PBX1: variants seen among roughly 807,000 people sequenced by gnomAD.
The protein encoded by PBX1 is PBX homeobox 1.
PBX1 carries 6 observed loss-of-function variants against 53.4 expected under a neutral mutation model. The observed-to-expected ratio is 0.11, with a 90% CI of 0.06 to 0.22. PBX1 has a LOEUF of 0.22. Ranked by LOEUF, PBX1 falls within the 10% of genes least tolerant of loss-of-function variation. PBX1 has a pLI of 1.00. For missense variants in PBX1, 251 were observed against 551.4 expected (o/e 0.46, Z 5.46); for synonymous variants, 204 against 212.3 (o/e 0.96, Z 0.34).
At chr1:164,802,893 G>A (rs894882010) in intron 4 of PBX1, among the ~76,000 whole-genome samples, 6 of 151,888 alleles carry the variant, frequency 4.0e-5, no homozygotes, top group Non-Finnish European at 8.8e-5. Context: ...AGTTAAAAGA[G>A]GGAGAGAACT....
chr1:164,658,802 C>G (rs545463204), intron 2 of PBX1, among the ~76,000 whole-genome samples: 20 of 152,222 alleles, frequency 1.3e-4, no homozygotes, highest in Non-Finnish European at 2.9e-4. Context: ...GTTATTACCA[C>G]TTTACATATG....
chr1:164,749,224 TA>T (rs1296552026), intron 2 of PBX1, among the ~76,000 whole-genome samples: 1 of 152,240 alleles, frequency 6.6e-6, no homozygotes, highest in Non-Finnish European at 1.5e-5. Context: ...TATTTGCATA[TA>T]TAATATATTA....
intron 8 of PBX1, among the ~76,000 whole-genome samples, chr1:164,835,239 GTT>G (rs71670294): frequency 8.2e-4 from 112 of 136,116 alleles, no homozygotes; most frequent in African/African-American, 2.4e-3. Flanking sequence ...TTTGATTTTG[GTT>G]TTTTTTTTTT....
intron 2 of PBX1, among the ~76,000 whole-genome samples, chr1:164,714,178 C>T (rs569051797): frequency 1.3e-5 from 2 of 152,292 alleles, no homozygotes; most frequent in South Asian, 4.1e-4. Context: ...GGTTAATGCT[C>T]TAGATTCCCT....
chr1:164,857,532 A>C, intron 2 of PBX1, among the ~76,000 whole-genome samples: 1 of 152,174 alleles, frequency 6.6e-6, no homozygotes, highest in Admixed American at 6.5e-5. Flanking sequence ...ATAGCCTCTT[A>C]CCCAGGAATT....
chr1:164,797,157 G>C (rs560445289), intron 3 of PBX1, among the ~76,000 whole-genome samples: 18 of 152,276 alleles, frequency 1.2e-4, no homozygotes, highest in African/African-American at 4.1e-4. Flanking sequence ...AAAGGGCCCC[G>C]GGATAGAGTG....
chr1:164,800,591 T>G (rs564705187), intron 4 of PBX1, among the ~76,000 whole-genome samples: 1 of 152,358 alleles, frequency 6.6e-6, no homozygotes, highest in East Asian at 1.9e-4. Context: ...TTTCATCTAC[T>G]CTCTAGACCG....
At chr1:164,812,937 A>G (rs950438138) in intron 6 of PBX1, 10 of 152,246 alleles carry the variant, frequency 6.6e-5, no homozygotes, top group African/African-American at 2.4e-4. Flanking sequence ...TCCCTTTGGT[A>G]AAGGAAAGAC....
chr1:164,735,488 A>G (rs553876370), intron 2 of PBX1, among the ~76,000 whole-genome samples: 1 of 152,328 alleles, frequency 6.6e-6, no homozygotes, highest in South Asian at 2.1e-4. Context: ...AAGAGGGAGA[A>G]GGAAAGAGAA....
chr1:164,849,281 G>A lies in PBX1; in HGVS notation c.*2605G>A. On this transcript the variant is annotated 3_prime_UTR_variant, in exon 9 of 9. Coordinates refer to ENST00000420696, the MANE Select transcript of PBX1 (RefSeq NM_002585.4). ...TCTCCGGGCCGTAGTTTTCACTGAT[G>A]ATCACCTTTCACAGCATTTTCCCCA... The A allele has an allele frequency of 1.3e-6, 2 of 1,533,140 alleles. No individual in the cohort carries two copies. Among genetic ancestry groups the A allele is most frequent in the African/African-American group, 2.7e-5 (2 of 73,108 alleles). 95.0% of individuals were successfully genotyped at this position (1,533,140 alleles called of 1,614,324 possible).
intron 2 of PBX1, among the ~76,000 whole-genome samples, chr1:164,584,288 G>A (rs1385271845): frequency 6.6e-6 from 1 of 151,932 alleles, no homozygotes; most frequent in Admixed American, 6.6e-5. Flanking sequence ...GATCACTTGA[G>A]CACAGGAGTT....
chr1:164,833,600 C>G (rs553889616), intron 8 of PBX1, among the ~76,000 whole-genome samples: 1 of 152,174 alleles, frequency 6.6e-6, no homozygotes, highest in South Asian at 2.1e-4. Context: ...AATTTCGTTT[C>G]TGACACTTAT....
intron 2 of PBX1, among the ~76,000 whole-genome samples, chr1:164,629,056 C>T (rs1435283560): frequency 6.6e-6 from 1 of 152,098 alleles, no homozygotes; most frequent in African/African-American, 2.4e-5. Flanking sequence ...CTCAAACACT[C>T]AGCTGGGGCC....
Position 164,847,591 on chromosome 1 carries a change from C to G in PBX1, c.*915C>G. 2.8e-6 allele frequency: 3 copies of G among 1,062,948 alleles called. No individual in the cohort carries two copies. The highest frequency in any genetic ancestry group is 3.4e-6 in the Non-Finnish European group (3 of 877,824). 65.8% of individuals were successfully genotyped at this position (1,062,948 alleles called of 1,614,324 possible). On this transcript the variant is annotated 3_prime_UTR_variant, in exon 9 of 9. Coordinates refer to ENST00000420696, the MANE Select transcript of PBX1 (RefSeq NM_002585.4). The stretch of plus-strand genomic sequence containing the variant: ...GGAATAGAAAGTTCTTATCGTGAAA[C>G]CCTTCAACCTCAACTATGCCTTCAT...
chr1:164,858,287 GTGCCT>G (rs1672019663), intron 2 of PBX1, among the ~76,000 whole-genome samples: 1 of 152,084 alleles, frequency 6.6e-6, no homozygotes, highest in South Asian at 2.1e-4. Flanking sequence ...GTCCAAGTAT[GTGCCT>G]TGTAAATGTC....
intron 8 of PBX1, among the ~76,000 whole-genome samples, chr1:164,840,242 A>G (rs138771616): frequency 0.011 from 1,675 of 152,334 alleles, 23 homozygotes; most frequent in Non-Finnish European, 0.018. Flanking sequence ...TACCTATGGT[A>G]CCAAACTAGG....
intron 2 of PBX1, among the ~76,000 whole-genome samples, chr1:164,780,304 G>C (rs1406140807): frequency 6.6e-6 from 1 of 152,168 alleles, no homozygotes; most frequent in African/African-American, 2.4e-5. Context: ...TCCTCTCGCT[G>C]CCTGCCAGGA....
intron 2 of PBX1, among the ~76,000 whole-genome samples, chr1:164,870,944 C>A (rs1672368928): frequency 1.3e-5 from 2 of 151,988 alleles, no homozygotes; most frequent in South Asian, 2.1e-4. Flanking sequence ...TTAAATCCCA[C>A]CCCCACTCCC....
chr1:164,751,581 C>CCTTT (rs1491430582), intron 2 of PBX1, among the ~76,000 whole-genome samples: 1 of 138,012 alleles, frequency 7.2e-6, no homozygotes, highest in African/African-American at 2.7e-5. Context: ...TATTGCCCCC[C>CCTTT]TTTTTTTTTT....
Sources: gnomAD v4.1 joint callset for allele counts (sites outside exome capture counted in the v4.1 genomes callset) on GRCh38, gnomAD v4.1.1 for gene constraint, MANE v1.5 for transcripts, NCBI Gene and HGNC (gene_info 2026-07-23, HGNC 2026-07-21) for gene names.